Variants in SUGCT observed in about 807,000 individuals in gnomAD.
The protein encoded by SUGCT is succinyl-CoA:glutarate CoA-transferase.
A neutral mutation model predicts 55.0 loss-of-function variants in SUGCT; 41 were observed. The observed-to-expected ratio is 0.74, with a 90% CI of 0.58 to 0.97. SUGCT has a LOEUF of 0.97. SUGCT is among the 50% of genes least tolerant of loss of function. SUGCT has a pLI of 0.00. For synonymous variants in SUGCT, 187 were observed against 200.4 expected, an observed-to-expected ratio of 0.93 and a Z score of 0.56; for missense variants, 568 against 547.8, an observed-to-expected ratio of 1.04 and a Z score of -0.37.
intron 3 of SUGCT, among the ~76,000 whole-genome samples, chr7:40,182,235 G>A (rs1785252491): frequency 6.6e-6 from 1 of 152,148 alleles, no homozygotes; most frequent in Non-Finnish European, 1.5e-5. Flanking sequence ...TAAGTGCTAA[G>A]GCTCAAGCCA....
chr7:40,529,412 G>C (rs1793970168), intron 12 of SUGCT, among the ~76,000 whole-genome samples: 2 of 152,224 alleles, frequency 1.3e-5, no homozygotes, highest in East Asian at 3.9e-4. Context: ...CCAAGGAGCT[G>C]AGTAGTGGAG....
chr7:40,652,988 T>G (rs1800852004), intron 12 of SUGCT, among the ~76,000 whole-genome samples: 1 of 152,226 alleles, frequency 6.6e-6, no homozygotes, highest in African/African-American at 2.4e-5. Context: ...CCCTTACCTA[T>G]TATATCCTTT....
chr7:40,425,724 C>G (rs1787553561), intron 9 of SUGCT, among the ~76,000 whole-genome samples: 1 of 151,968 alleles, frequency 6.6e-6, no homozygotes, highest in Non-Finnish European at 1.5e-5. Flanking sequence ...GAGCCATACG[C>G]CATTGATAAT....
chr7:40,151,267 A>G (rs1788557609), intron 1 of SUGCT, among the ~76,000 whole-genome samples: 1 of 152,172 alleles, frequency 6.6e-6, no homozygotes, highest in African/African-American at 2.4e-5. Context: ...AAATAAAGAA[A>G]CAAAGTTTTA....
At position 40,181,348 on chromosome 7, in the gene SUGCT, ATTAC is replaced by A. The variant is rs1004338752; in HGVS notation, c.152+354_152+357del. On this transcript the variant is annotated intron_variant, in intron 2 of 13. Coordinates refer to ENST00000335693, the MANE Select transcript of SUGCT (RefSeq NM_001193313.2). ...GTAATTAATATATCGATGTCACATA[ATTAC>A]TTAATCATCCTCTAATCTTTCACGA... Among the ~76,000 whole-genome samples, 222 of 152,350 alleles carry A rather than the reference ATTAC, an allele frequency of 1.5e-3. 3 individuals carry two copies. The highest frequency in any genetic ancestry group is 4.6e-3 in the African/African-American group (191 of 41,584).
intron 9 of SUGCT, among the ~76,000 whole-genome samples, chr7:40,336,677 T>G (rs1796726935): frequency 6.6e-6 from 1 of 152,188 alleles, no homozygotes. Context: ...CTGTCAATTT[T>G]GTTGATCTTT....
intron 12 of SUGCT, among the ~76,000 whole-genome samples, chr7:40,555,476 G>A (rs1795510560): frequency 6.6e-6 from 1 of 152,026 alleles, no homozygotes; most frequent in Non-Finnish European, 1.5e-5. Flanking sequence ...CTGGGCTGGT[G>A]GGTCCCAGGT....
chr7:40,811,893 C>T (rs1226993278), intron 13 of SUGCT, among the ~76,000 whole-genome samples: 4 of 152,010 alleles, frequency 2.6e-5, no homozygotes, highest in South Asian at 2.1e-4. Context: ...ATGAGGTTGG[C>T]TGTAGGTTTG....
intron 12 of SUGCT, among the ~76,000 whole-genome samples, chr7:40,572,606 CAA>C (rs1416147170): frequency 6.6e-6 from 1 of 152,056 alleles, no homozygotes; most frequent in Non-Finnish European, 1.5e-5. Context: ...GTTTAAAAAG[CAA>C]AGGTAGAAAG....
intron 9 of SUGCT, among the ~76,000 whole-genome samples, chr7:40,432,472 G>A (rs1378877327): frequency 6.6e-6 from 1 of 152,070 alleles, no homozygotes; most frequent in Admixed American, 6.6e-5. Flanking sequence ...CAGATCACGA[G>A]GTCAGGAGTT....
At chr7:40,207,489 C>T (rs541957678) in intron 6 of SUGCT, among the ~76,000 whole-genome samples, 2 of 152,092 alleles carry the variant, frequency 1.3e-5, no homozygotes, top group East Asian at 3.9e-4. Flanking sequence ...TGGTTCAGCC[C>T]CTATGGAAAA....
At chr7:40,235,037 A>G (rs1033136910) in intron 6 of SUGCT, among the ~76,000 whole-genome samples, 1 of 152,190 alleles carries the variant, frequency 6.6e-6, no homozygotes, top group Admixed American at 6.5e-5. Context: ...AAGTTGACCG[A>G]TGGGTTTATT....
At chr7:40,849,435 A>G (rs1793740808) in intron 13 of SUGCT, among the ~76,000 whole-genome samples, 1 of 152,172 alleles carries the variant, frequency 6.6e-6, no homozygotes, top group Non-Finnish European at 1.5e-5. Context: ...TTAGGATGGA[A>G]GGTGCGTGGA....
At chr7:40,165,530 G>C (rs1488736143) in intron 1 of SUGCT, among the ~76,000 whole-genome samples, 2 of 152,154 alleles carry the variant, frequency 1.3e-5, no homozygotes, top group South Asian at 2.1e-4. Context: ...AAAAGACAGA[G>C]AGATATACAA....
chr7:40,390,032 A>G (rs978137380), intron 9 of SUGCT, among the ~76,000 whole-genome samples: 1 of 152,170 alleles, frequency 6.6e-6, no homozygotes, highest in Admixed American at 6.5e-5. Flanking sequence ...AAAGACAAAA[A>G]CCACATGATT....
intron 7 of SUGCT, among the ~76,000 whole-genome samples, chr7:40,266,021 C>T (rs1267372352): frequency 6.6e-6 from 1 of 152,004 alleles, no homozygotes; most frequent in Non-Finnish European, 1.5e-5. Context: ...TGGTTTTTCC[C>T]CTTCATCTCT....
intron 12 of SUGCT, among the ~76,000 whole-genome samples, chr7:40,531,705 G>A (rs1046882491): frequency 1.3e-5 from 2 of 151,524 alleles, no homozygotes; most frequent in South Asian, 2.1e-4. Flanking sequence ...TGGGATTCTC[G>A]CTCTGTCACC....
chr7:40,209,437 C>T (rs914327555), intron 6 of SUGCT, among the ~76,000 whole-genome samples: 2 of 152,120 alleles, frequency 1.3e-5, no homozygotes, highest in African/African-American at 4.8e-5. Context: ...GTGGAGGTTG[C>T]AGGAGCCCAG....
At chr7:40,905,979 C>A in the SUGCT span, among the ~76,000 whole-genome samples, 1,010 of 152,228 alleles carry the variant, frequency 6.6e-3, 13 homozygotes, top group African/African-American at 0.023. Flanking sequence ...CCGCCTTGGC[C>A]TCCCAAAGTG....
Sources: gnomAD v4.1 joint callset for allele counts (sites outside exome capture counted in the v4.1 genomes callset) on GRCh38, gnomAD v4.1.1 for gene constraint, MANE v1.5 for transcripts, NCBI Gene and HGNC (gene_info 2026-07-23, HGNC 2026-07-21) for gene names.